Variants in TMEM108 observed in about 807,000 individuals in gnomAD.
TMEM108 encodes the protein cancer/testis antigen 124.
A neutral mutation model predicts 35.1 loss-of-function variants in TMEM108; 12 were observed. That is an observed-to-expected ratio of 0.34 (90% CI 0.22 to 0.55). The LOEUF (loss-of-function observed/expected upper bound fraction) is 0.55, where lower values mean the gene tolerates loss of function less well. Among genes scored for constraint, TMEM108 ranks in the 20% least tolerant of loss-of-function variants. The probability of loss-of-function intolerance (pLI) is 0.89; values close to 1 mark genes in which losing one functional copy is unlikely to be tolerated. For missense variants in TMEM108, 680 were observed against 753.3 expected, an observed-to-expected ratio of 0.90 and a Z score of 1.14; for synonymous variants, 287 against 308.6, an observed-to-expected ratio of 0.93 and a Z score of 0.73.
At chr3:133,117,438 GACA>G (rs1320755506) in intron 2 of TMEM108, among the ~76,000 whole-genome samples, 1 of 152,202 alleles carries the variant, frequency 6.6e-6, no homozygotes, top group African/African-American at 2.4e-5. Context: ...CCCAATGGAA[GACA>G]ACAAGTCTAT....
At chr3:133,122,173 C>CA (rs937518519) in intron 2 of TMEM108, among the ~76,000 whole-genome samples, 39 of 145,854 alleles carry the variant, frequency 2.7e-4, no homozygotes, top group African/African-American at 3.0e-4. Flanking sequence ...CCTCTACCTC[C>CA]AAAAAAAAAA....
chr3:133,110,580 A>T (rs941561534), intron 2 of TMEM108, among the ~76,000 whole-genome samples: 1 of 148,310 alleles, frequency 6.7e-6, no homozygotes. Context: ...GGTGACCTGC[A>T]TCTTGTTGTC....
intron 2 of TMEM108, among the ~76,000 whole-genome samples, chr3:133,083,186 C>G (rs568840921): frequency 7.0e-6 from 1 of 142,194 alleles, no homozygotes; most frequent in East Asian, 2.2e-4. Context: ...CCCCACCCCC[C>G]GCCGCCCCAC....
intron 4 of TMEM108, chr3:133,388,051 T>C (rs2073179839): frequency 3.0e-6 from 3 of 985,372 alleles, no homozygotes; most frequent in Non-Finnish European, 3.6e-6. Context: ...GATGTGCCCC[T>C]ACAGGCTGAT....
chr3:133,146,763 T>C (rs561778852), intron 2 of TMEM108, among the ~76,000 whole-genome samples: 85 of 152,340 alleles, frequency 5.6e-4, no homozygotes, highest in African/African-American at 2.0e-3. Context: ...GAGGTGTTTA[T>C]AGTATTTTCT....
intron 2 of TMEM108, among the ~76,000 whole-genome samples, chr3:133,155,761 A>C (rs763767185): frequency 1.3e-5 from 2 of 152,078 alleles, no homozygotes; most frequent in African/African-American, 2.4e-5. Context: ...TGTCAGATGT[A>C]TAGTTTGCAG....
At chr3:133,197,896 A>C (rs1382163686) in intron 2 of TMEM108, among the ~76,000 whole-genome samples, 1 of 152,186 alleles carries the variant, frequency 6.6e-6, no homozygotes, top group Non-Finnish European at 1.5e-5. Context: ...GTTTGTTAGA[A>C]GCCTCTGACA....
intron 2 of TMEM108, among the ~76,000 whole-genome samples, chr3:133,052,491 T>C (rs1282942424): frequency 1.3e-5 from 2 of 151,628 alleles, no homozygotes; most frequent in African/African-American, 4.8e-5. Flanking sequence ...TTTAATTTAA[T>C]TTTATTTTAT....
chr3:133,151,295 C>A (rs569972723), intron 2 of TMEM108, among the ~76,000 whole-genome samples: 2 of 152,226 alleles, frequency 1.3e-5, no homozygotes, highest in South Asian at 2.1e-4. Context: ...AGCCCCTAAC[C>A]CAGTTTATGG....
In TMEM108 at chr3:133,373,094, C is replaced by T. The variant is rs180768671; in HGVS notation, c.41-6658C>T. ...GTAGAAAAAGAACACTGGCCAGGCA[C>T]AGTGGCTCACGCCTGTAATCCCAAA... On this transcript the variant is annotated intron_variant, in intron 3 of 5. Transcript: ENST00000321871. Among the ~76,000 whole-genome samples the T allele has an allele frequency of 3.9e-5, 6 of 152,270 alleles. No individual in the cohort carries two copies. The East Asian group carries it at 5.8e-4, about 15-fold the overall frequency.
At chr3:133,074,408 G>A (rs760853131) in intron 2 of TMEM108, 3 of 152,122 alleles carry the variant, frequency 2.0e-5, no homozygotes, top group Non-Finnish European at 4.4e-5. Context: ...TTTACTGAAC[G>A]TCATAGCTTA....
chr3:133,224,179 A>G (rs1946033433), intron 2 of TMEM108, among the ~76,000 whole-genome samples: 1 of 151,528 alleles, frequency 6.6e-6, no homozygotes, highest in Admixed American at 6.6e-5. Context: ...TTTATTTACT[A>G]AGCATTTATT....
chr3:133,247,848 A>G (rs570970094), intron 3 of TMEM108: 1 of 152,218 alleles, frequency 6.6e-6, no homozygotes, highest in Non-Finnish European at 1.5e-5. Flanking sequence ...AAGGCTTCAC[A>G]TAGAAAACTG....
chr3:133,049,662 C>T (rs565368064), intron 2 of TMEM108, among the ~76,000 whole-genome samples: 9 of 152,114 alleles, frequency 5.9e-5, no homozygotes, highest in Non-Finnish European at 1.3e-4. Context: ...TAATCAAATC[C>T]GCAGCCTCTG....
chr3:133,082,833 T>G (rs1943829617), intron 2 of TMEM108, among the ~76,000 whole-genome samples: 1 of 151,958 alleles, frequency 6.6e-6, no homozygotes, highest in South Asian at 2.1e-4. Flanking sequence ...TAAAATTGTT[T>G]TATAGAAACA....
intron 2 of TMEM108, among the ~76,000 whole-genome samples, chr3:133,108,393 G>GT (rs1944184010): frequency 6.6e-6 from 1 of 152,030 alleles, no homozygotes; most frequent in Non-Finnish European, 1.5e-5. Context: ...TTTTTCATGT[G>GT]TTTTTTGGCT....
intron 4 of TMEM108, 78 bp from the exon 5 acceptor site, chr3:133,390,099 TCTC>T (rs1025403248): frequency 2.6e-6 from 4 of 1,553,372 alleles, no homozygotes; most frequent in Non-Finnish European, 3.5e-6. Flanking sequence ...AGCTGGGAAC[TCTC>T]CTCATCAGTT....
intron 2 of TMEM108, among the ~76,000 whole-genome samples, chr3:133,129,186 T>C (rs150911944): frequency 6.6e-6 from 1 of 151,968 alleles, no homozygotes; most frequent in Non-Finnish European, 1.5e-5. Flanking sequence ...CTACCAAAAA[T>C]ACAAAAATTA....
At chr3:133,354,392 T>G (rs2072098448) in intron 3 of TMEM108, among the ~76,000 whole-genome samples, 1 of 152,128 alleles carries the variant, frequency 6.6e-6, no homozygotes, top group African/African-American at 2.4e-5. Flanking sequence ...TCTAGCCACA[T>G]TACAGGGGCA....
Sources: allele counts gnomAD v4.1 joint callset (sites outside exome capture counted in the v4.1 genomes callset), GRCh38; gene constraint gnomAD v4.1.1; transcripts MANE v1.5; gene names NCBI Gene and HGNC (gene_info 2026-07-23, HGNC 2026-07-21).